TMCO1: variants seen among roughly 807,000 people sequenced by gnomAD.
TMCO1 encodes calcium load-activated calcium channel.
In TMCO1, 29 loss-of-function variants were observed where a neutral mutation model predicts 29.3. That is an observed-to-expected ratio of 0.99 (90% CI 0.74 to 1.35). TMCO1 has a LOEUF of 1.35. Ranked by LOEUF, TMCO1 falls within the 40% of genes most tolerant of loss-of-function variation. The pLI is 0.00. For missense variants in TMCO1, 173 were observed against 225.5 expected, an observed-to-expected ratio of 0.77 and a Z score of 1.49; for synonymous variants, 80 against 77.1, an observed-to-expected ratio of 1.04 and a Z score of -0.20.
rs1298707424 is a variant in TMCO1 at position 165,727,882 on chromosome 1, A to T, written c.*141T>A. 1.6e-6 allele frequency: 1 copy of T among 632,020 alleles called. No homozygotes were observed. Among genetic ancestry groups the T allele is most frequent in the Admixed American group, 2.2e-5 (1 of 46,070 alleles). The allele number at this position is 632,020 out of a possible 1,614,324, so 39.2% of individuals were successfully genotyped here. A position where few individuals can be genotyped will look rare whatever the true frequency, so the allele number is the denominator to read the frequency against. ...GCTGGCTGCCATTTTCACTCTAATC[A>T]TACCCAAAAGGCTTAGAAATAATTC... is the stretch of plus-strand genomic sequence containing the variant. On this transcript the variant is annotated 3_prime_UTR_variant, in exon 7 of 7. Transcript: ENST00000367881.
intron 5 of TMCO1, among the ~76,000 whole-genome samples, chr1:165,745,571 C>T (rs973144135): frequency 6.6e-6 from 1 of 151,580 alleles, no homozygotes; most frequent in African/African-American, 2.4e-5. Context: ...CACTTGAGCC[C>T]AGCAGGTTGA....
intron 2 of TMCO1, among the ~76,000 whole-genome samples, chr1:165,761,641 T>C (rs957659979): frequency 1.3e-5 from 2 of 152,110 alleles, no homozygotes; most frequent in African/African-American, 4.8e-5. Flanking sequence ...TTTCACATTT[T>C]AAAATGTTAT....
At chr1:165,762,318 T>C (rs984856364) in intron 2 of TMCO1, among the ~76,000 whole-genome samples, 4 of 152,078 alleles carry the variant, frequency 2.6e-5, no homozygotes, top group Non-Finnish European at 5.9e-5. Context: ...AAACACTTAA[T>C]GTTTTGTTCT....
chr1:165,730,239 G>A (rs1651094530), intron 6 of TMCO1, among the ~76,000 whole-genome samples: 1 of 152,060 alleles, frequency 6.6e-6, no homozygotes, highest in African/African-American at 2.4e-5. Context: ...AGGAGGCTGA[G>A]GCAGGAGAAT....
chr1:165,767,450 CT>C (rs1208902158), intron 2 of TMCO1, among the ~76,000 whole-genome samples: 1 of 152,310 alleles, frequency 6.6e-6, no homozygotes, highest in South Asian at 2.1e-4. Context: ...CCAACTGAAA[CT>C]CGGCTTATCT....
At chr1:165,752,580 C>T (rs1478695546) in intron 4 of TMCO1, among the ~76,000 whole-genome samples, 4 of 151,160 alleles carry the variant, frequency 2.6e-5, no homozygotes, top group Non-Finnish European at 4.4e-5. Context: ...TTTAAATCTC[C>T]GTAGCAGTTC....
intron 6 of TMCO1, among the ~76,000 whole-genome samples, chr1:165,736,840 C>T (rs796174083): frequency 7.9e-5 from 12 of 152,244 alleles, no homozygotes; most frequent in African/African-American, 2.6e-4. Flanking sequence ...CTTGCTCTGC[C>T]GCCCAGGCAT....
chr1:165,725,341 G>A, downstream of TMCO1: 1 of 453,978 alleles, frequency 2.2e-6, no homozygotes, highest in South Asian at 1.6e-5. Flanking sequence ...CCCCATTGGA[G>A]AGAATGACTT....
chr1:165,726,477 G>C (rs1432316764), downstream of TMCO1: 2 of 543,910 alleles, frequency 3.7e-6, no homozygotes, highest in East Asian at 4.4e-5. Context: ...TGACAGCCTG[G>C]ACTATTAGGC....
chr1:165,753,406 G>A (rs1023178425), intron 4 of TMCO1, among the ~76,000 whole-genome samples: 1 of 143,856 alleles, frequency 7.0e-6, no homozygotes, highest in Non-Finnish European at 1.5e-5. Flanking sequence ...CCAGGTGGCA[G>A]AGTTTGCAGT....
At chr1:165,725,465 G>A (rs763961509), downstream of TMCO1, 1 of 454,020 alleles carries the variant, frequency 2.2e-6, no homozygotes, top group South Asian at 1.6e-5. Flanking sequence ...AATAAACTCA[G>A]GTTTACTGTC....
intron 6 of TMCO1, 116 bp downstream of exon 6, chr1:165,743,051 C>T: frequency 7.9e-7 from 1 of 1,269,482 alleles, no homozygotes; most frequent in East Asian, 2.4e-5. Flanking sequence ...CTAAAATGAG[C>T]AACTGAAAGA....
intron 6 of TMCO1, among the ~76,000 whole-genome samples, chr1:165,741,504 C>G (rs1042609632): frequency 1.3e-5 from 2 of 152,060 alleles, no homozygotes; most frequent in African/African-American, 4.8e-5. Context: ...AAAACAGAAG[C>G]AAAAAGTACA....
intron 5 of TMCO1, among the ~76,000 whole-genome samples, chr1:165,747,598 C>T (rs181038158): frequency 8.5e-5 from 13 of 152,118 alleles, no homozygotes; most frequent in East Asian, 5.8e-4. Flanking sequence ...AAACAGAGTA[C>T]GTAGTAGGCA....
At chr1:165,736,219 TA>T (rs1651375238) in intron 6 of TMCO1, among the ~76,000 whole-genome samples, 1 of 152,178 alleles carries the variant, frequency 6.6e-6, no homozygotes, top group Admixed American at 6.5e-5. Flanking sequence ...GAGTAAGAAA[TA>T]AATTTCTATT....
At chr1:165,757,725 T>G (rs1230825883) in intron 3 of TMCO1, among the ~76,000 whole-genome samples, 2 of 152,222 alleles carry the variant, frequency 1.3e-5, no homozygotes, top group Admixed American at 1.3e-4. Flanking sequence ...CTTGAACTCC[T>G]GACCTCAGGT....
chr1:165,747,593 G>A (rs560255679), intron 5 of TMCO1, among the ~76,000 whole-genome samples: 176 of 152,328 alleles, frequency 1.2e-3, no homozygotes, highest in African/African-American at 4.1e-3. Context: ...AGTTAAAACA[G>A]AGTACGTAGT....
At position 165,728,066 on chromosome 1, in the gene TMCO1, C is replaced by T. The variant is rs1571206278; in HGVS notation, c.524G>A (p.Gly175Asp). ...APSRAATKQA[G>D]GFLGPPPPSG... ...AGGAGGTGGTGGGCCAAGAAATCCA[C>T]CTGCCTGCTTGGTGGCGGCTCGTGA... is the stretch of plus-strand genomic sequence containing the variant. The change falls in exon 7 of 7, where the codon GGT (glycine) becomes GAT (aspartate). Residue 175 changes from glycine (G) to aspartate (D), a missense_variant. Coordinates refer to ENST00000367881, the MANE Select transcript of TMCO1 (RefSeq NM_019026.6). 1.2e-6 allele frequency: 2 copies of T among 1,609,092 alleles called. No homozygotes were observed. Among genetic ancestry groups the T allele is most frequent in the Non-Finnish European group, 1.7e-6 (2 of 1,176,864 alleles).
chr1:165,724,933 T>C (rs1247185840), downstream of TMCO1: 7 of 452,830 alleles, frequency 1.5e-5, no homozygotes, highest in Middle Eastern at 7.0e-4. Flanking sequence ...AGCTAGGAGC[T>C]GATAATTGTC....
Sources: allele counts gnomAD v4.1 joint callset (sites outside exome capture counted in the v4.1 genomes callset), GRCh38; gene constraint gnomAD v4.1.1; transcripts MANE v1.5; gene names NCBI Gene and HGNC (gene_info 2026-07-23, HGNC 2026-07-21).